Variants in CHRNA7 observed in about 807,000 individuals in gnomAD.
The protein encoded by CHRNA7 is cholinergic receptor nicotinic alpha 7 subunit.
Under a neutral mutation model 48.0 loss-of-function variants are expected in CHRNA7, and 17 were observed. The ratio of observed to expected loss-of-function variants is 0.35; its 90% CI spans 0.24 to 0.53. CHRNA7 has a LOEUF of 0.53. Among genes scored for constraint, CHRNA7 ranks in the 20% least tolerant of loss-of-function variants. The probability of loss-of-function intolerance (pLI) is 0.92; values close to 1 mark genes in which losing one functional copy is unlikely to be tolerated. For synonymous variants in CHRNA7, 75 were observed against 242.3 expected, an observed-to-expected ratio of 0.31 and a Z score of 6.41; for missense variants, 155 against 577.7, an observed-to-expected ratio of 0.27 and a Z score of 7.50.
chr15:32,151,943 GCCATAGTGGCCAA>G (rs1414697057), intron 4 of CHRNA7, among the ~76,000 whole-genome samples: 4 of 152,174 alleles, frequency 2.6e-5, no homozygotes, highest in African/African-American at 9.6e-5. Flanking sequence ...TCCTGCAGGG[GCCATAGTGGCCAA>G]AATGAGGGGA....
chr15:32,034,171 A>G (rs1309002695), intron 2 of CHRNA7, among the ~76,000 whole-genome samples: 1 of 152,218 alleles, frequency 6.6e-6, no homozygotes, highest in Admixed American at 6.5e-5. Context: ...AGTGGCTTCA[A>G]AGAGATGGTG....
chr15:32,058,636 A>C (rs2049826553), intron 2 of CHRNA7, among the ~76,000 whole-genome samples: 1 of 152,148 alleles, frequency 6.6e-6, no homozygotes, highest in African/African-American at 2.4e-5. Context: ...CATTGTTTGG[A>C]TTGGGAATGC....
At chr15:32,147,436 CCTAG>C (rs1440824205) in intron 4 of CHRNA7, among the ~76,000 whole-genome samples, 1 of 152,184 alleles carries the variant, frequency 6.6e-6, no homozygotes, top group African/African-American at 2.4e-5. Flanking sequence ...TGCCTGCAGT[CCTAG>C]CTGCCAGGAG....
intron 2 of CHRNA7, among the ~76,000 whole-genome samples, chr15:32,087,811 A>T (rs2050322676): frequency 1.3e-5 from 2 of 152,208 alleles, no homozygotes; most frequent in South Asian, 4.1e-4. Flanking sequence ...TCCTTGCAGA[A>T]TACACCCAGT....
intron 4 of CHRNA7, among the ~76,000 whole-genome samples, chr15:32,119,851 G>A (rs1246625309): frequency 1.3e-5 from 2 of 152,116 alleles, no homozygotes; most frequent in African/African-American, 4.8e-5. Context: ...GCCTCTGATG[G>A]CCCAGCTGTT....
At chr15:32,102,605 A>T (rs908904352) in intron 3 of CHRNA7, 3 of 152,220 alleles carry the variant, frequency 2.0e-5, no homozygotes, top group African/African-American at 7.2e-5. Context: ...ATAAATTAAA[A>T]TTTTTAAGTA....
At chr15:32,083,936 A>G (rs1419666681) in intron 2 of CHRNA7, among the ~76,000 whole-genome samples, 1 of 152,130 alleles carries the variant, frequency 6.6e-6, no homozygotes, top group East Asian at 1.9e-4. Context: ...AATGGTCTGT[A>G]TTTGATTTTT....
chr15:32,097,396 G>A (rs549937328), intron 2 of CHRNA7, among the ~76,000 whole-genome samples: 4 of 152,192 alleles, frequency 2.6e-5, no homozygotes, highest in East Asian at 1.9e-4. Flanking sequence ...AGTCCATGAC[G>A]GTGCAGTCAT....
chr15:32,067,642 CTT>C (rs151070646), intron 2 of CHRNA7, among the ~76,000 whole-genome samples: 1 of 152,250 alleles, frequency 6.6e-6, no homozygotes, highest in East Asian at 1.9e-4. Context: ...GTTCATAACT[CTT>C]TTTTTCTCCT....
At chr15:32,048,850 A>G (rs1455224846) in intron 2 of CHRNA7, among the ~76,000 whole-genome samples, 1 of 151,638 alleles carries the variant, frequency 6.6e-6, no homozygotes, top group Non-Finnish European at 1.5e-5. Context: ...AATGCATCCC[A>G]GAGATTCTGG....
chr15:32,063,205 G>A (rs1276533780), intron 2 of CHRNA7, among the ~76,000 whole-genome samples: 1 of 151,696 alleles, frequency 6.6e-6, no homozygotes, highest in Non-Finnish European at 1.5e-5. Flanking sequence ...TGTAGACTTC[G>A]TAAACACTGT....
intron 4 of CHRNA7, among the ~76,000 whole-genome samples, chr15:32,131,073 T>C (rs2051147413): frequency 6.6e-6 from 1 of 152,168 alleles, no homozygotes; most frequent in Non-Finnish European, 1.5e-5. Context: ...TTTTCCCCCT[T>C]ACGGATCATT....
intron 2 of CHRNA7, among the ~76,000 whole-genome samples, chr15:32,054,570 C>T (rs548374397): frequency 4.6e-5 from 7 of 152,296 alleles, no homozygotes; most frequent in African/African-American, 1.4e-4. Context: ...TACAGACCTT[C>T]GCTCCTCCAG....
chr15:32,047,462 G>T (rs1471556324), intron 2 of CHRNA7, among the ~76,000 whole-genome samples: 3 of 151,968 alleles, frequency 2.0e-5, no homozygotes, highest in Non-Finnish European at 4.4e-5. Context: ...TCATGATTTG[G>T]CTCTCTGTTT....
At chr15:32,109,136 C>T (rs936741899) in intron 3 of CHRNA7, among the ~76,000 whole-genome samples, 7 of 152,162 alleles carry the variant, frequency 4.6e-5, no homozygotes, top group South Asian at 2.1e-4. Flanking sequence ...AGAGCAGCCC[C>T]GAAGGCTGCT....
chr15:32,056,583 T>C (rs372579266), intron 2 of CHRNA7, among the ~76,000 whole-genome samples: 2 of 152,272 alleles, frequency 1.3e-5, no homozygotes, highest in Admixed American at 1.3e-4. Context: ...AAATTTTTAA[T>C]ATTTAAAAAT....
intron 1 of CHRNA7, 105 bp downstream of exon 1, chr15:32,030,754 C>G: frequency 6.6e-7 from 1 of 1,513,836 alleles, no homozygotes; most frequent in Non-Finnish European, 8.8e-7. Flanking sequence ...ATCTCCCCGC[C>G]GCCGGGGAGG....
intron 4 of CHRNA7, among the ~76,000 whole-genome samples, chr15:32,132,096 T>C (rs559231206): frequency 6.6e-6 from 1 of 152,272 alleles, no homozygotes; most frequent in Admixed American, 6.5e-5. Flanking sequence ...TCTAGAGTGC[T>C]CCCTGGGCCT....
intron 4 of CHRNA7, among the ~76,000 whole-genome samples, chr15:32,153,093 A>G (rs895782717): frequency 2.0e-5 from 3 of 152,084 alleles, no homozygotes; most frequent in African/African-American, 7.2e-5. Flanking sequence ...TGTGGTGTCC[A>G]GCTCCCTCCT....
Sources: allele counts gnomAD v4.1 joint callset (sites outside exome capture counted in the v4.1 genomes callset), GRCh38; gene constraint gnomAD v4.1.1; transcripts MANE v1.5; gene names NCBI Gene and HGNC (gene_info 2026-07-23, HGNC 2026-07-21).